EXT2: variants seen among roughly 807,000 people sequenced by gnomAD.
The protein encoded by EXT2 is exostosin-2.
In EXT2, 53 loss-of-function variants were observed where a neutral mutation model predicts 81.6. The observed-to-expected ratio is 0.65, with a 90% CI of 0.52 to 0.82. The LOEUF is 0.82. EXT2 is among the 40% of genes least tolerant of loss of function. The pLI is 0.00. For missense variants in EXT2, 774 were observed against 910.2 expected, an observed-to-expected ratio of 0.85 and a Z score of 1.93; for synonymous variants, 320 against 340.0, an observed-to-expected ratio of 0.94 and a Z score of 0.65.
At chr11:44,215,865 A>ATT (rs34411687) in intron 10 of EXT2, among the ~76,000 whole-genome samples, 98 of 127,818 alleles carry the variant, frequency 7.7e-4, no homozygotes, top group African/African-American at 1.6e-3. Flanking sequence ...CCATTTGGGA[A>ATT]TTTTTTTTTT....
At chr11:44,215,638 T>A (rs969950092) in intron 10 of EXT2, among the ~76,000 whole-genome samples, 1 of 152,244 alleles carries the variant, frequency 6.6e-6, no homozygotes, top group Admixed American at 6.5e-5. Flanking sequence ...ATAATCAAAA[T>A]ATCCCCTTGC....
chr11:44,236,219 A>G, intron 12 of EXT2, 74 bp from the exon 13 acceptor site: 1 of 1,258,612 alleles, frequency 7.9e-7, no homozygotes, highest in Middle Eastern at 1.9e-4. Context: ...AAAAGAATGC[A>G]GTGTGGTGTC....
intron 8 of EXT2, among the ~76,000 whole-genome samples, chr11:44,180,867 C>G (rs144380349): frequency 6.6e-6 from 1 of 152,028 alleles, no homozygotes. Context: ...TGTGGGAGGC[C>G]GAGGCGGGCG....
intron 1 of EXT2, 128 bp downstream of exon 1, chr11:44,095,980 G>A (rs1334825695): frequency 1.0e-5 from 5 of 485,902 alleles, no homozygotes; most frequent in African/African-American, 2.0e-5. Flanking sequence ...GTGGAGGCCC[G>A]TGGGCTGCGA....
Position 44,237,277 on chromosome 11 carries a change from T to G in EXT2, c.2018+902T>G, listed in dbSNP as rs111555250. Among the ~76,000 whole-genome samples, 453 of 152,138 alleles carry G rather than the reference T, an allele frequency of 3.0e-3. 4 individuals carry two copies. Among genetic ancestry groups the G allele is most frequent in the Non-Finnish European group, 4.9e-3 (332 of 67,974 alleles). Reference sequence around the variant, plus strand: ...AGAATTCTTCAAGCCTAGAGAATTTTTGTGTGTGTGTGCAGAAAGTTGTTT... The same window carrying G: ...AGAATTCTTCAAGCCTAGAGAATTTGTGTGTGTGTGTGCAGAAAGTTGTTT... On this transcript the variant is annotated intron_variant, in intron 13 of 13. Transcript: ENST00000533608.
intron 8 of EXT2, among the ~76,000 whole-genome samples, chr11:44,191,891 A>C (rs1317413640): frequency 6.6e-6 from 1 of 152,216 alleles, no homozygotes; most frequent in African/African-American, 2.4e-5. Context: ...ATTGACACAG[A>C]AGCTTAGTTG....
At chr11:44,208,551 A>G (rs2135208832) in intron 10 of EXT2, among the ~76,000 whole-genome samples, 1 of 152,354 alleles carries the variant, frequency 6.6e-6, no homozygotes, top group South Asian at 2.1e-4. Context: ...CCTCTAAAGA[A>G]GTAATCATTA....
chr11:44,114,055 T>A (rs887494687), intron 3 of EXT2, 130 bp from the exon 4 acceptor site: 1 of 848,260 alleles, frequency 1.2e-6, no homozygotes, highest in Admixed American at 1.8e-5. Flanking sequence ...ATTGTCTTTA[T>A]AGAAAACTGA....
At chr11:44,191,629 C>T in intron 8 of EXT2, among the ~76,000 whole-genome samples, 1 of 152,224 alleles carries the variant, frequency 6.6e-6, no homozygotes, top group East Asian at 1.9e-4. Flanking sequence ...TCAAGAGGTC[C>T]CAGACTGTAG....
chr11:44,224,459 A>C (rs1955817974), intron 10 of EXT2, among the ~76,000 whole-genome samples: 1 of 151,960 alleles, frequency 6.6e-6, no homozygotes, highest in Non-Finnish European at 1.5e-5. Flanking sequence ...GATACTTTGG[A>C]CTTTAGTTTT....
chr11:44,185,577 A>C (rs1955299820), intron 8 of EXT2, among the ~76,000 whole-genome samples: 1 of 152,130 alleles, frequency 6.6e-6, no homozygotes, highest in Non-Finnish European at 1.5e-5. Flanking sequence ...CATATGCTTT[A>C]TTGGAATTCC....
At chr11:44,125,957 CCA>C (rs1467613731) in intron 5 of EXT2, among the ~76,000 whole-genome samples, 1 of 152,190 alleles carries the variant, frequency 6.6e-6, no homozygotes, top group Non-Finnish European at 1.5e-5. Flanking sequence ...TCATTTATCC[CCA>C]GAGGTGTTTG....
Position 44,245,991 on chromosome 11 carries a change from G to A in EXT2, c.*1704G>A, listed in dbSNP as rs1263887034. Among the ~76,000 whole-genome samples the A allele has an allele frequency of 1.3e-5, 2 of 152,196 alleles. No individual in the cohort carries two copies. The highest frequency in any genetic ancestry group is 2.4e-5 in the African/African-American group (1 of 41,452). ...GTTTCTGACAGCAGCAAACACAGGTGCTTACCAAATACTTTTGATTTGGGT... is the reference window on the plus strand; with the variant it reads ...GTTTCTGACAGCAGCAAACACAGGTACTTACCAAATACTTTTGATTTGGGT... On this transcript the variant is annotated 3_prime_UTR_variant, in exon 14 of 14. Coordinates refer to ENST00000533608, the MANE Select transcript of EXT2 (RefSeq NM_207122.2).
chr11:44,202,326 C>A (rs532653470), intron 9 of EXT2, among the ~76,000 whole-genome samples: 1 of 152,158 alleles, frequency 6.6e-6, no homozygotes, highest in East Asian at 1.9e-4. Context: ...TATACACATT[C>A]GCCAATTGTA....
chr11:44,207,863 C>G (rs545222085), intron 10 of EXT2, among the ~76,000 whole-genome samples: 8 of 152,108 alleles, frequency 5.3e-5, no homozygotes, highest in South Asian at 4.2e-4. Context: ...AATCCCCTCC[C>G]CCCCGACACT....
rs1050107075 is a variant in EXT2, at chr11:44,169,606, G to T, written c.1174-2005G>T. 3.3e-5 allele frequency among the ~76,000 whole-genome samples: 5 copies of T among 152,068 alleles called. 1 individual carries two copies. The South Asian group carries it at 1.0e-3, about 32-fold the overall frequency. On this transcript the variant is annotated intron_variant, in intron 7 of 13. Coordinates refer to ENST00000533608, the MANE Select transcript of EXT2 (RefSeq NM_207122.2). ...CAGTAATGTAAATTAAGTATAAATC[G>T]ACTATATTTGTAATTAGGAACCAAA...
At chr11:44,162,276 G>A (rs1406982158) in intron 7 of EXT2, among the ~76,000 whole-genome samples, 1 of 152,050 alleles carries the variant, frequency 6.6e-6, no homozygotes, top group Non-Finnish European at 1.5e-5. Flanking sequence ...AAAATAAAAA[G>A]TTATAAAAGC....
chr11:44,163,725 C>T (rs1456444645), intron 7 of EXT2, among the ~76,000 whole-genome samples: 4 of 152,106 alleles, frequency 2.6e-5, no homozygotes, highest in African/African-American at 9.7e-5. Flanking sequence ...TCCTGTAGCT[C>T]GGATCTCTTG....
intron 7 of EXT2, among the ~76,000 whole-genome samples, chr11:44,169,952 C>T (rs1276244899): frequency 1.3e-5 from 2 of 151,872 alleles, no homozygotes; most frequent in Non-Finnish European, 2.9e-5. Flanking sequence ...TATAAATATA[C>T]ACACACACCC....
Sources: allele counts gnomAD v4.1 joint callset (sites outside exome capture counted in the v4.1 genomes callset), GRCh38; gene constraint gnomAD v4.1.1; transcripts MANE v1.5; gene names NCBI Gene and HGNC (gene_info 2026-07-23, HGNC 2026-07-21).